The following SFMBT2 variants were observed in gnomAD, a reference collection of about 807,000 sequenced individuals.
SFMBT2 encodes the protein scm-like with four MBT domains protein 2.
A neutral mutation model predicts 110.1 loss-of-function variants in SFMBT2; 38 were observed. That is an observed-to-expected ratio of 0.35 (90% confidence interval 0.27 to 0.45). The LOEUF is 0.45. SFMBT2 is among the 20% of genes least tolerant of loss of function. SFMBT2 has a pLI of 1.00. For missense variants in SFMBT2, 1,011 were observed against 1,094.9 expected (o/e 0.92, Z 1.08); for synonymous variants, 425 against 425.4 (o/e 1.00, Z 0.01).
chr10:7,250,337 G>A (rs544094887), intron 7 of SFMBT2, among the ~76,000 whole-genome samples: 1 of 152,174 alleles, frequency 6.6e-6, no homozygotes, highest in Non-Finnish European at 1.5e-5. Context: ...AGAACATGAG[G>A]TATTTGGCTT....
chr10:7,324,354 T>C (rs951627164), intron 4 of SFMBT2, among the ~76,000 whole-genome samples: 1 of 152,114 alleles, frequency 6.6e-6, no homozygotes, highest in African/African-American at 2.4e-5. Context: ...TCAGCAACAA[T>C]GCAACGTTGA....
chr10:7,345,848 C>T (rs1217003491), intron 4 of SFMBT2, among the ~76,000 whole-genome samples: 1 of 152,208 alleles, frequency 6.6e-6, no homozygotes, highest in Non-Finnish European at 1.5e-5. Flanking sequence ...TTCACCCTTC[C>T]TCCATGTCTT....
intron 4 of SFMBT2, among the ~76,000 whole-genome samples, chr10:7,319,813 A>G (rs1312250223): frequency 6.6e-6 from 1 of 151,356 alleles, no homozygotes; most frequent in African/African-American, 2.4e-5. Context: ...AGAGACTGAG[A>G]GAGAGACAGA....
chr10:7,178,616 C>T (rs1838145956), intron 16 of SFMBT2, among the ~76,000 whole-genome samples: 1 of 152,066 alleles, frequency 6.6e-6, no homozygotes, highest in African/African-American at 2.4e-5. Flanking sequence ...GCTTCTGGAA[C>T]CTAGATATTG....
intron 4 of SFMBT2, among the ~76,000 whole-genome samples, chr10:7,329,236 G>T (rs1843489952): frequency 6.6e-6 from 1 of 152,180 alleles, no homozygotes; most frequent in Non-Finnish European, 1.5e-5. Context: ...AGTGAATGAT[G>T]GTGATGATGA....
In SFMBT2 at chr10:7,272,332, G is replaced by A. The variant is rs1841612537; in HGVS notation, c.870+4560C>T. On this transcript the variant is annotated intron_variant, in intron 7 of 20. Coordinates refer to ENST00000397167, the MANE Select transcript of SFMBT2 (RefSeq NM_001387889.1). ...GTAAGGAGGCAAAAAAGCTGATGAAGAAGAAGTGAGTAATTTCACACATTC... is the reference window on the plus strand; with the variant it reads ...GTAAGGAGGCAAAAAAGCTGATGAAAAAGAAGTGAGTAATTTCACACATTC... Among the ~76,000 whole-genome samples the A allele has an allele frequency of 2.0e-5, 3 of 152,166 alleles. 1 individual carries two copies. Among genetic ancestry groups the A allele is most frequent in the Non-Finnish European group, 4.4e-5 (3 of 68,032 alleles).
chr10:7,292,757 C>T (rs1842296815), intron 4 of SFMBT2, among the ~76,000 whole-genome samples: 1 of 152,146 alleles, frequency 6.6e-6, no homozygotes, highest in African/African-American at 2.4e-5. Context: ...TGGCTCATGC[C>T]TGTAATCCCA....
chr10:7,321,482 T>A (rs549178288), intron 4 of SFMBT2, among the ~76,000 whole-genome samples: 4 of 152,296 alleles, frequency 2.6e-5, no homozygotes, highest in African/African-American at 9.6e-5. Flanking sequence ...ATTACAGGCG[T>A]GAGCCACCGT....
At chr10:7,225,413 G>A (rs1839871248) in intron 10 of SFMBT2, among the ~76,000 whole-genome samples, 7 of 152,158 alleles carry the variant, frequency 4.6e-5, no homozygotes, top group Admixed American at 3.9e-4. Flanking sequence ...AAATGAACTC[G>A]TAATACGCAT....
At chr10:7,399,990 A>G (rs1413230563) in intron 1 of SFMBT2, among the ~76,000 whole-genome samples, 1 of 152,248 alleles carries the variant, frequency 6.6e-6, no homozygotes, top group Non-Finnish European at 1.5e-5. Context: ...GGTGGATCTG[A>G]GCCAGGTCTG....
At position 7,172,454 on chromosome 10, in the gene SFMBT2, G is replaced by T; in HGVS notation, c.2151+41C>A. 6.2e-7 allele frequency: 1 copy of T among 1,612,214 alleles called. No individual in the cohort carries two copies. The highest frequency in any genetic ancestry group is 1.1e-5 in the South Asian group (1 of 90,900). ...CCACACTTGCCGGCCAGGGCCAGAT[G>T]ACAGAGCTACAGGCTGGCAGGTGCC... On this transcript the variant is annotated intron_variant, in intron 18 of 20. Transcript: ENST00000397167. This position sits in a 1 kb window ranked among gnomAD's most constrained non-coding sequence, Gnocchi z 4.6.
intron 1 of SFMBT2, among the ~76,000 whole-genome samples, chr10:7,407,634 G>A (rs1020722490): frequency 3.3e-5 from 5 of 152,308 alleles, no homozygotes; most frequent in African/African-American, 1.2e-4. Context: ...CGATCGTCAG[G>A]GCCACGAGCC....
At chr10:7,298,745 A>G (rs572160148) in intron 4 of SFMBT2, among the ~76,000 whole-genome samples, 2 of 151,824 alleles carry the variant, frequency 1.3e-5, no homozygotes, top group Admixed American at 1.3e-4. Context: ...GTATGTGTAT[A>G]TGTGTGTGTG....
chr10:7,409,194 G>A (rs990491795), intron 1 of SFMBT2: 2 of 151,750 alleles, frequency 1.3e-5, no homozygotes, highest in South Asian at 2.1e-4. Flanking sequence ...ACTATTAAGT[G>A]CAGCGCGCCC....
At chr10:7,314,935 G>C (rs1296851290) in intron 4 of SFMBT2, among the ~76,000 whole-genome samples, 1 of 149,928 alleles carries the variant, frequency 6.7e-6, no homozygotes, top group Non-Finnish European at 1.5e-5. Context: ...AAGAGAGAGA[G>C]AGAGAAAGAG....
chr10:7,314,287 T>G (rs768496150), intron 4 of SFMBT2, among the ~76,000 whole-genome samples: 1 of 152,272 alleles, frequency 6.6e-6, no homozygotes, highest in Non-Finnish European at 1.5e-5. Context: ...TTGTTTCCAC[T>G]TGCTGCCTCG....
intron 1 of SFMBT2, among the ~76,000 whole-genome samples, chr10:7,396,751 C>G: frequency 6.6e-6 from 1 of 151,882 alleles, no homozygotes; most frequent in East Asian, 1.9e-4. Flanking sequence ...TTTGTAGGGA[C>G]ATGGATGAAG....
intron 20 of SFMBT2, 146 bp from the exon 21 acceptor site, chr10:7,164,056 A>G (rs1312726485): frequency 1.2e-5 from 17 of 1,380,322 alleles, no homozygotes; most frequent in Non-Finnish European, 1.6e-5. Context: ...TAGAGATACC[A>G]GCCCGGCTTG....
rs1238861085 is a variant in SFMBT2, at chr10:7,293,059, A to G, written c.437-7105T>C. 6.6e-6 allele frequency among the ~76,000 whole-genome samples: 1 copy of G among 152,140 alleles called. No homozygotes were observed. Among genetic ancestry groups the G allele is most frequent in the Non-Finnish European group, 1.5e-5 (1 of 68,026 alleles). On this transcript the variant is annotated intron_variant, in intron 4 of 20. Transcript: ENST00000397167. The surrounding 1 kb of genome is among the most constrained non-coding windows in gnomAD (Gnocchi z 4.6). The stretch of plus-strand genomic sequence containing the variant: ...GAAGCAAATGACACAGCCCTATCAC[A>G]GTGATGACATTAGGGTGAAAGGAGT...
Sources: allele counts gnomAD v4.1 joint callset (sites outside exome capture counted in the v4.1 genomes callset), GRCh38; gene constraint gnomAD v4.1.1; non-coding constraint Gnocchi (gnomAD v3.1); transcripts MANE v1.5; gene names NCBI Gene and HGNC (gene_info 2026-07-23, HGNC 2026-07-21).